SLC1A3: variants seen among roughly 807,000 people sequenced by gnomAD.
The protein encoded by SLC1A3 is solute carrier family 1 member 3.
In SLC1A3, 21 loss-of-function variants were observed where a neutral mutation model predicts 48.1. That is an observed-to-expected ratio of 0.44 (90% CI 0.31 to 0.63). The LOEUF is 0.63. Ranked by LOEUF, SLC1A3 falls within the 20% of genes least tolerant of loss-of-function variation. The pLI is 0.08. For synonymous variants in SLC1A3, 239 were observed against 251.4 expected, an observed-to-expected ratio of 0.95 and a Z score of 0.47; for missense variants, 546 against 689.0, an observed-to-expected ratio of 0.79 and a Z score of 2.32.
At chr5:36,653,097 G>T (rs1245938960) in intron 3 of SLC1A3, among the ~76,000 whole-genome samples, 1 of 152,128 alleles carries the variant, frequency 6.6e-6, no homozygotes, top group African/African-American at 2.4e-5. Flanking sequence ...TGCCCATCTT[G>T]CTGCACATCT....
chr5:36,636,881 C>G (rs940529914), intron 3 of SLC1A3, among the ~76,000 whole-genome samples: 4 of 152,122 alleles, frequency 2.6e-5, no homozygotes, highest in African/African-American at 4.8e-5. Flanking sequence ...CCTCTCCAGC[C>G]CCTGGAAAGT....
At chr5:36,676,107 A>T (rs192634573) in intron 5 of SLC1A3, among the ~76,000 whole-genome samples, 2 of 152,312 alleles carry the variant, frequency 1.3e-5, no homozygotes, top group East Asian at 3.9e-4. Context: ...GAGTTAGAAG[A>T]GAAACCCCAC....
At chr5:36,684,077 A>T in intron 9 of SLC1A3, 79 bp downstream of exon 9, 1 of 1,560,624 alleles carries the variant, frequency 6.4e-7, no homozygotes, top group African/African-American at 1.4e-5. Flanking sequence ...GCAGCCTGGC[A>T]CATCTACAGA....
chr5:36,664,486 T>C (rs1741651988), intron 3 of SLC1A3, among the ~76,000 whole-genome samples: 1 of 149,560 alleles, frequency 6.7e-6, no homozygotes, highest in African/African-American at 2.5e-5. Context: ...TTTATGCCAG[T>C]GTTTACAAAC....
intron 3 of SLC1A3, among the ~76,000 whole-genome samples, chr5:36,656,937 A>G (rs1303595035): frequency 6.6e-6 from 1 of 152,256 alleles, no homozygotes; most frequent in Non-Finnish European, 1.5e-5. Flanking sequence ...CTTTAAAAGA[A>G]TGGACTTTTT....
In SLC1A3 at chr5:36,625,035, T is replaced by C. The variant is rs529172498; in HGVS notation, c.182-4415T>C. 2.0e-3 allele frequency among the ~76,000 whole-genome samples: 304 copies of C among 152,316 alleles called. 2 individuals are homozygous for C. The highest frequency in any genetic ancestry group is 3.6e-3 in the Non-Finnish European group (246 of 68,032). On this transcript the variant is annotated intron_variant, in intron 2 of 9. Transcript: ENST00000265113. ...CTAGGCTACAAGAGCATGTTTGTGTTTGAGAGGCATTAAAAGAGTAACGGA... is the reference window on the plus strand; with the variant it reads ...CTAGGCTACAAGAGCATGTTTGTGTCTGAGAGGCATTAAAAGAGTAACGGA...
At chr5:36,656,858 T>G (rs1401092180) in intron 3 of SLC1A3, among the ~76,000 whole-genome samples, 1 of 152,226 alleles carries the variant, frequency 6.6e-6, no homozygotes, top group Non-Finnish European at 1.5e-5. Context: ...CTTCAAGGGC[T>G]GTGACCTGGA....
chr5:36,612,914 C>T lies in SLC1A3; in HGVS notation c.181+4310C>T, dbSNP rs143449017. On this transcript the variant is annotated intron_variant, in intron 2 of 9. Coordinates refer to ENST00000265113, the MANE Select transcript of SLC1A3 (RefSeq NM_004172.5). ...GCTGAGGGTCTGCCTGAGGTAGCAA[C>T]GGAAGAGATGGAAAAGAGAGGTCGA... 4.9e-4 allele frequency: 221 copies of T among 449,352 alleles called. 3 individuals carry two copies. The East Asian group carries it at 0.012, about 25-fold the overall frequency. The allele number at this position is 449,352 out of a possible 1,614,324, so 27.8% of individuals were successfully genotyped here.
chr5:36,667,135 C>G (rs1009347928), intron 3 of SLC1A3, among the ~76,000 whole-genome samples: 1 of 152,148 alleles, frequency 6.6e-6, no homozygotes, highest in South Asian at 2.1e-4. Flanking sequence ...AAATAAGACT[C>G]AAGTGCTCAC....
chr5:36,602,937 G>A (rs991041643), upstream of SLC1A3, among the ~76,000 whole-genome samples: 7 of 152,182 alleles, frequency 4.6e-5, no homozygotes, highest in African/African-American at 9.7e-5. Flanking sequence ...AGTGTCAGCC[G>A]ACCCCTTCAA....
At chr5:36,649,533 T>C (rs760038616) in intron 3 of SLC1A3, among the ~76,000 whole-genome samples, 3 of 152,192 alleles carry the variant, frequency 2.0e-5, no homozygotes, top group Non-Finnish European at 2.9e-5. Context: ...AGCCTTTCTA[T>C]AGTTTATTAT....
chr5:36,628,366 T>C (rs1739994770), intron 2 of SLC1A3, among the ~76,000 whole-genome samples: 1 of 152,164 alleles, frequency 6.6e-6, no homozygotes, highest in Admixed American at 6.6e-5. Flanking sequence ...GCTTGCCTCC[T>C]CTAGAAAAGC....
chr5:36,669,111 A>G (rs1741884077), intron 3 of SLC1A3: 1 of 152,206 alleles, frequency 6.6e-6, no homozygotes, highest in Non-Finnish European at 1.5e-5. Context: ...TATTGTGCTT[A>G]CACTACTCGC....
chr5:36,597,218 A>ACTT (rs953026180), intron 1 of SLC1A3, among the ~76,000 whole-genome samples: 1 of 122,940 alleles, frequency 8.1e-6, no homozygotes, highest in South Asian at 2.7e-4. Context: ...CACACCGAAA[A>ACTT]CTTCTTCTTC....
intron 3 of SLC1A3, chr5:36,636,495 C>CTTTCTTTT (rs1554041197): frequency 8.8e-6 from 1 of 114,086 alleles, no homozygotes; most frequent in African/African-American, 4.6e-5. Flanking sequence ...TTCTTTCTTT[C>CTTTCTTTT]TTTCTTTCTT....
intron 1 of SLC1A3, among the ~76,000 whole-genome samples, chr5:36,597,818 C>T (rs911717383): frequency 1.3e-5 from 2 of 152,182 alleles, no homozygotes; most frequent in African/African-American, 2.4e-5. Context: ...CTTTAGAGTT[C>T]TTTCTGAAAT....
chr5:36,629,530 CTGA>C lies in SLC1A3; in HGVS notation c.266_268del (p.Met89del). On this transcript the variant is annotated inframe_deletion, in exon 3 of 10. Coordinates refer to ENST00000265113, the MANE Select transcript of SLC1A3 (RefSeq NM_004172.5). ...GTACTTCTCCTTTCCTGGGGAACTTCTGATGAGGATGTTACAGATGCTGGTCTT... is the reference window on the plus strand; with the variant it reads ...GTACTTCTCCTTTCCTGGGGAACTTCTGAGGATGTTACAGATGCTGGTCTT... The C allele has an allele frequency of 6.2e-7, 1 of 1,611,296 alleles. No individual in the cohort carries two copies. Among genetic ancestry groups the C allele is most frequent in the Non-Finnish European group, 8.5e-7 (1 of 1,179,042 alleles).
chr5:36,663,549 A>C (rs1971720), intron 3 of SLC1A3, among the ~76,000 whole-genome samples: 126,480 of 152,010 alleles, frequency 0.83, 54,583 homozygotes, highest in Non-Finnish European at 0.95. Context: ...CCCTGCACTT[A>C]GTTTTCTTAA....
intron 3 of SLC1A3, among the ~76,000 whole-genome samples, chr5:36,664,791 C>G (rs1418097481): frequency 6.6e-6 from 1 of 152,132 alleles, no homozygotes; most frequent in Non-Finnish European, 1.5e-5. Flanking sequence ...AACATATGGA[C>G]AGATAGAGCT....
Sources: gnomAD v4.1 joint callset for allele counts (sites outside exome capture counted in the v4.1 genomes callset) on GRCh38, gnomAD v4.1.1 for gene constraint, MANE v1.5 for transcripts, NCBI Gene and HGNC (gene_info 2026-07-23, HGNC 2026-07-21) for gene names.